The following CBLB variants were observed in gnomAD, a reference collection of about 807,000 sequenced individuals.
CBLB encodes E3 ubiquitin-protein ligase CBL-B.
CBLB carries 31 observed loss-of-function variants against 104.9 expected under a neutral mutation model. The ratio of observed to expected loss-of-function variants is 0.30; its 90% CI spans 0.22 to 0.40. The LOEUF is 0.40. CBLB is among the 10% of genes least tolerant of loss of function. CBLB has a pLI of 1.00. For synonymous variants in CBLB, 440 were observed against 422.6 expected, an observed-to-expected ratio of 1.04 and a Z score of -0.51; for missense variants, 1,062 against 1,214.6, an observed-to-expected ratio of 0.87 and a Z score of 1.87.
chr3:105,867,969 T>C (rs187233052), intron 1 of CBLB, among the ~76,000 whole-genome samples: 1 of 151,994 alleles, frequency 6.6e-6, no homozygotes. Flanking sequence ...TTAATTCCAA[T>C]TCAAAATACC....
chr3:105,675,378 A>G (rs2065486901), intron 17 of CBLB, among the ~76,000 whole-genome samples: 1 of 152,232 alleles, frequency 6.6e-6, no homozygotes, highest in South Asian at 2.1e-4. Flanking sequence ...ATTCTTAGGG[A>G]GAACTGCTAT....
At chr3:105,800,040 AAAAAC>A (rs2082662054) in intron 3 of CBLB, among the ~76,000 whole-genome samples, 1 of 152,214 alleles carries the variant, frequency 6.6e-6, no homozygotes, top group South Asian at 2.1e-4. Flanking sequence ...ATGTCCTGGT[AAAAAC>A]ATTTGATAAC....
At chr3:105,822,072 T>C (rs1390725828) in intron 3 of CBLB, among the ~76,000 whole-genome samples, 1 of 152,120 alleles carries the variant, frequency 6.6e-6, no homozygotes, top group Non-Finnish European at 1.5e-5. Flanking sequence ...ATTTAACCAA[T>C]TGACACTATT....
intron 3 of CBLB, among the ~76,000 whole-genome samples, chr3:105,832,411 A>C (rs1474600763): frequency 6.6e-6 from 1 of 152,222 alleles, no homozygotes; most frequent in Non-Finnish European, 1.5e-5. Context: ...CTGATACTTC[A>C]GTTATATACA....
chr3:105,762,159 A>T (rs1329846371), intron 4 of CBLB: 1 of 152,224 alleles, frequency 6.6e-6, no homozygotes, highest in East Asian at 1.9e-4. Context: ...ATTCACAAAG[A>T]TATGATATGG....
chr3:105,738,533 T>C (rs9789988), intron 7 of CBLB, among the ~76,000 whole-genome samples: 17,888 of 151,998 alleles, frequency 0.12, 1,279 homozygotes, highest in East Asian at 0.41. Context: ...AAAAAAATAT[T>C]ATATAAAATT....
chr3:105,832,784 G>A (rs902411774), intron 3 of CBLB, among the ~76,000 whole-genome samples: 2 of 152,190 alleles, frequency 1.3e-5, no homozygotes, highest in Non-Finnish European at 2.9e-5. Flanking sequence ...CCTTCAATCT[G>A]TATTGAGTAC....
intron 3 of CBLB, among the ~76,000 whole-genome samples, chr3:105,834,438 C>T (rs978819701): frequency 2.6e-5 from 4 of 152,074 alleles, no homozygotes; most frequent in Non-Finnish European, 4.4e-5. Context: ...GGGTGGATCA[C>T]GAGGTCAGGA....
At chr3:105,801,512 G>T (rs972471872) in intron 3 of CBLB, among the ~76,000 whole-genome samples, 4 of 152,194 alleles carry the variant, frequency 2.6e-5, no homozygotes, top group Non-Finnish European at 4.4e-5. Flanking sequence ...TAACCATTAA[G>T]ACAGGTCTGA....
At chr3:105,822,980 G>GT (rs1228400561) in intron 3 of CBLB, among the ~76,000 whole-genome samples, 2 of 152,092 alleles carry the variant, frequency 1.3e-5, no homozygotes, top group African/African-American at 4.8e-5. Flanking sequence ...TTTTGTTCCT[G>GT]TTTATCGCTC....
intron 3 of CBLB, among the ~76,000 whole-genome samples, chr3:105,783,169 A>G (rs954226600): frequency 2.0e-5 from 3 of 152,196 alleles, no homozygotes; most frequent in Non-Finnish European, 4.4e-5. Context: ...CTGGCTTAAT[A>G]TCCTTAGCCT....
intron 17 of CBLB, chr3:105,672,067 C>T (rs1018738464): frequency 1.0e-5 from 2 of 193,364 alleles, no homozygotes; most frequent in Non-Finnish European, 2.2e-5. Flanking sequence ...ACTCTAAATG[C>T]CCCTGATACA....
At chr3:105,665,760 G>A (rs969883870) in intron 18 of CBLB, among the ~76,000 whole-genome samples, 9 of 150,910 alleles carry the variant, frequency 6.0e-5, no homozygotes, top group East Asian at 3.9e-4. Context: ...GCTGGGCGTG[G>A]TGACTCATGC....
At chr3:105,784,313 A>G (rs973668892) in intron 3 of CBLB, among the ~76,000 whole-genome samples, 1 of 152,234 alleles carries the variant, frequency 6.6e-6, no homozygotes, top group East Asian at 1.9e-4. Flanking sequence ...AACACAATGG[A>G]AAATCATGAT....
intron 6 of CBLB, among the ~76,000 whole-genome samples, chr3:105,745,228 C>T (rs1431408268): frequency 6.6e-6 from 1 of 152,150 alleles, no homozygotes; most frequent in Non-Finnish European, 1.5e-5. Flanking sequence ...AGATGAAATA[C>T]ATGGGAAAAT....
intron 18 of CBLB, among the ~76,000 whole-genome samples, chr3:105,667,896 C>A (rs2064649999): frequency 6.6e-6 from 1 of 152,092 alleles, no homozygotes; most frequent in African/African-American, 2.4e-5. Context: ...TTAATTACTG[C>A]AAAATAAGAG....
At chr3:105,661,949 C>G (rs184407673) in intron 18 of CBLB, among the ~76,000 whole-genome samples, 5 of 151,932 alleles carry the variant, frequency 3.3e-5, no homozygotes, top group African/African-American at 1.2e-4. Context: ...TGCTATAAAC[C>G]AGCAATTACT....
In CBLB at chr3:105,868,927, ACACCCGCTCTCCCCTCC is replaced by A; in HGVS notation, c.-223_-207del. 1 of 1,021,794 alleles carries A rather than the reference ACACCCGCTCTCCCCTCC, an allele frequency of 9.8e-7. No homozygotes were observed. Among genetic ancestry groups the A allele is most frequent in the South Asian group, 3.6e-5 (1 of 28,076 alleles). 63.3% of individuals were successfully genotyped at this position (1,021,794 alleles called of 1,614,324 possible). A position where few individuals can be genotyped will look rare whatever the true frequency, so the allele number is the denominator to read the frequency against. ...CAACAATTACCGTCAAGACAAATCC[ACACCCGCTCTCCCCTCC>A]CGCCCGACTCGGGGAGGCCGCGGGA... is the stretch of plus-strand genomic sequence containing the variant. On this transcript the variant is annotated 5_prime_UTR_variant, in exon 1 of 19. Transcript: ENST00000394030.
intron 4 of CBLB, among the ~76,000 whole-genome samples, chr3:105,762,762 G>A (rs2077780318): frequency 1.3e-5 from 2 of 152,236 alleles, no homozygotes; most frequent in Non-Finnish European, 2.9e-5. Flanking sequence ...GAAATGTGGG[G>A]CTGAAGCCCC....
Sources: gnomAD v4.1 joint callset for allele counts (sites outside exome capture counted in the v4.1 genomes callset) on GRCh38, gnomAD v4.1.1 for gene constraint, MANE v1.5 for transcripts, NCBI Gene and HGNC (gene_info 2026-07-23, HGNC 2026-07-21) for gene names.